Variants in HCRTR2 observed in about 807,000 individuals in gnomAD.
The protein encoded by HCRTR2 is orexin receptor type 2.
In HCRTR2, 22 loss-of-function variants were observed where a neutral mutation model predicts 49.0. The observed-to-expected ratio is 0.45, with a 90% CI of 0.32 to 0.64. The LOEUF (loss-of-function observed/expected upper bound fraction) is 0.64, where lower values mean the gene tolerates loss of function less well. HCRTR2 is among the 30% of genes least tolerant of loss of function. The probability of loss-of-function intolerance (pLI) is 0.04; values close to 1 mark genes in which losing one functional copy is unlikely to be tolerated. For missense variants in HCRTR2, 491 were observed against 559.4 expected (o/e 0.88, Z 1.23); for synonymous variants, 236 against 205.3 (o/e 1.15, Z -1.28).
chr6:55,165,815 C>G (rs541372563), intron 1 of HCRTR2, among the ~76,000 whole-genome samples: 2 of 129,678 alleles, frequency 1.5e-5, no homozygotes, highest in Non-Finnish European at 1.6e-5. Flanking sequence ...TATAAAGAGA[C>G]GAATAACCCA....
intron 1 of HCRTR2, among the ~76,000 whole-genome samples, chr6:55,219,571 A>C (rs1180771601): frequency 1.3e-5 from 2 of 152,174 alleles, no homozygotes. Context: ...GGCAAGAGTT[A>C]AGTTTATAGT....
At chr6:55,150,779 CAAT>C (rs1360155842) in intron 1 of HCRTR2, among the ~76,000 whole-genome samples, 1 of 151,910 alleles carries the variant, frequency 6.6e-6, no homozygotes, top group Non-Finnish European at 1.5e-5. Context: ...ATATTATAAA[CAAT>C]GTTTTAATAA....
At chr6:55,269,037 C>G (rs893649558) in intron 4 of HCRTR2, among the ~76,000 whole-genome samples, 2 of 138,186 alleles carry the variant, frequency 1.4e-5, no homozygotes, top group Non-Finnish European at 3.0e-5. Context: ...CTGCAGTGAA[C>G]AGAGATCGTG....
At chr6:55,186,747 T>A (rs1182998920) in intron 1 of HCRTR2, among the ~76,000 whole-genome samples, 1 of 152,190 alleles carries the variant, frequency 6.6e-6, no homozygotes, top group African/African-American at 2.4e-5. Flanking sequence ...GAAACAGCTG[T>A]GACAGAATGT....
chr6:55,234,642 T>C (rs1562016484), intron 1 of HCRTR2, among the ~76,000 whole-genome samples: 1 of 152,184 alleles, frequency 6.6e-6, no homozygotes, highest in South Asian at 2.1e-4. Context: ...ATAATATGGG[T>C]ACACCAGAAT....
intron 1 of HCRTR2, among the ~76,000 whole-genome samples, chr6:55,223,868 T>G (rs1031835006): frequency 1.3e-5 from 2 of 152,090 alleles, no homozygotes; most frequent in African/African-American, 2.4e-5. Flanking sequence ...AGGAAATTAT[T>G]TATATGCAGG....
chr6:55,278,793 C>T (rs754142761), intron 5 of HCRTR2, among the ~76,000 whole-genome samples: 47 of 150,694 alleles, frequency 3.1e-4, no homozygotes, highest in Non-Finnish European at 5.5e-4. Context: ...TTTATTATGG[C>T]CACCTGCTAG....
intron 3 of HCRTR2, among the ~76,000 whole-genome samples, chr6:55,260,533 C>T (rs965048628): frequency 6.6e-6 from 1 of 152,118 alleles, no homozygotes; most frequent in African/African-American, 2.4e-5. Context: ...TAGGTGAGTG[C>T]TACCTGGGCC....
intron 3 of HCRTR2, among the ~76,000 whole-genome samples, chr6:55,257,598 G>GA (rs397795391): frequency 9.6e-6 from 1 of 104,446 alleles, no homozygotes; most frequent in East Asian, 2.8e-4. Flanking sequence ...ATGGATTCCT[G>GA]TTCAGTTATT....
intron 6 of HCRTR2, 94 bp downstream of exon 6, chr6:55,280,538 ATG>A (rs1767170398): frequency 1.7e-5 from 27 of 1,545,374 alleles, no homozygotes; most frequent in Middle Eastern, 3.6e-4. Context: ...TTTAGTTGCT[ATG>A]TGAGTTGTAT....
chr6:55,193,242 T>C (rs1249566916), intron 1 of HCRTR2, among the ~76,000 whole-genome samples: 1 of 152,164 alleles, frequency 6.6e-6, no homozygotes, highest in Non-Finnish European at 1.5e-5. Context: ...AGAAATGCAA[T>C]ATGTTAAAGT....
At chr6:55,214,337 T>C (rs1437592976) in intron 1 of HCRTR2, among the ~76,000 whole-genome samples, 1 of 152,088 alleles carries the variant, frequency 6.6e-6, no homozygotes, top group Non-Finnish European at 1.5e-5. Context: ...TTGTTTTACA[T>C]TTTTATTTTA....
At chr6:55,240,739 A>G (rs756584090) in intron 1 of HCRTR2, 2 of 385,334 alleles carry the variant, frequency 5.2e-6, no homozygotes, top group South Asian at 1.9e-5. Context: ...TCAGCTTCCC[A>G]GGTTCTTAAG....
At chr6:55,254,535 G>A (rs562405859) in intron 2 of HCRTR2, among the ~76,000 whole-genome samples, 8 of 152,014 alleles carry the variant, frequency 5.3e-5, no homozygotes, top group Non-Finnish European at 1.0e-4. Context: ...AAGGAGATTC[G>A]CATACAAAAT....
At chr6:55,223,017 G>A (rs899931473) in intron 1 of HCRTR2, among the ~76,000 whole-genome samples, 2 of 152,090 alleles carry the variant, frequency 1.3e-5, no homozygotes, top group African/African-American at 4.8e-5. Flanking sequence ...ATTAAAAAAC[G>A]AGAAACAGTA....
chr6:55,140,859 T>G (rs1764496623), intron 1 of HCRTR2, among the ~76,000 whole-genome samples: 1 of 152,152 alleles, frequency 6.6e-6, no homozygotes, highest in South Asian at 2.1e-4. Flanking sequence ...AATTTAATAA[T>G]TTACATACAG....
rs1177419462 is a variant in HCRTR2, at chr6:55,120,017, T to C, written c.-378+13472T>C. Among the ~76,000 whole-genome samples the C allele has an allele frequency of 2.6e-5, 4 of 152,318 alleles. No homozygotes were observed. In the East Asian group the frequency reaches 5.8e-4, roughly 22 times the overall value. Reference sequence around the variant, plus strand: ...TAGCCAGTTTTCCCAACACCGTTTATTAAATAGGAAATATTCTCCCCATTG... The same window carrying C: ...TAGCCAGTTTTCCCAACACCGTTTACTAAATAGGAAATATTCTCCCCATTG... On this transcript the variant is annotated intron_variant, in intron 1 of 7. Coordinates refer to the HCRTR2 transcript ENST00000615358.
At chr6:55,111,208 T>G (rs1764044067) in intron 1 of HCRTR2, among the ~76,000 whole-genome samples, 1 of 151,656 alleles carries the variant, frequency 6.6e-6, no homozygotes, top group Non-Finnish European at 1.5e-5. Context: ...AATGCCTACA[T>G]CAAAAAGTCT....
At chr6:55,137,013 C>T (rs1384142894) in intron 1 of HCRTR2, among the ~76,000 whole-genome samples, 4 of 152,112 alleles carry the variant, frequency 2.6e-5, no homozygotes, top group Non-Finnish European at 4.4e-5. Flanking sequence ...CAGAAATAGT[C>T]ACATGGTGGA....
Sources: gnomAD v4.1 joint callset for allele counts (sites outside exome capture counted in the v4.1 genomes callset) on GRCh38, gnomAD v4.1.1 for gene constraint, MANE v1.5 for transcripts, NCBI Gene and HGNC (gene_info 2026-07-23, HGNC 2026-07-21) for gene names.